CWF19L2: variants seen among roughly 807,000 people sequenced by gnomAD.
CWF19L2 encodes the protein CWF19 like cell cycle control factor 2.
Under a neutral mutation model 111.7 loss-of-function variants are expected in CWF19L2, and 98 were observed. The observed-to-expected ratio is 0.88, with a 90% CI of 0.75 to 1.04. CWF19L2 has a LOEUF of 1.04. CWF19L2 is among the 50% of genes least tolerant of loss of function. The probability of loss-of-function intolerance (pLI) is 0.00; values close to 1 mark genes in which losing one functional copy is unlikely to be tolerated. For missense variants in CWF19L2, 1,101 were observed against 1,051.4 expected (o/e 1.05, Z -0.65); for synonymous variants, 351 against 342.9 (o/e 1.02, Z -0.26).
At chr11:107,384,079 A>T (rs1338271898) in intron 12 of CWF19L2, among the ~76,000 whole-genome samples, 1 of 152,232 alleles carries the variant, frequency 6.6e-6, no homozygotes, top group Non-Finnish European at 1.5e-5. Flanking sequence ...AACACCTCAT[A>T]CACTGAATGA....
intron 13 of CWF19L2, among the ~76,000 whole-genome samples, chr11:107,351,029 A>G (rs1248265148): frequency 2.0e-5 from 3 of 152,212 alleles, no homozygotes; most frequent in Non-Finnish European, 4.4e-5. Flanking sequence ...ATAGGCGACA[A>G]TAAGGATTCC....
chr11:107,422,185 A>G (rs1443320993), intron 8 of CWF19L2, among the ~76,000 whole-genome samples: 1 of 152,056 alleles, frequency 6.6e-6, no homozygotes, highest in South Asian at 2.1e-4. Context: ...TGAACAACAC[A>G]GGGGTGAACT....
In CWF19L2 at chr11:107,336,666, G is replaced by A; in HGVS notation, c.2250C>T (p.Asp750=). The change falls in exon 15 of 18, where the codon GAC becomes GAT. Residue 750 remains aspartate (D), a synonymous_variant. Coordinates refer to ENST00000282251, the MANE Select transcript of CWF19L2 (RefSeq NM_152434.3). ...LVKMFEDKGL[D]CIFLETNMSM... ...TCATATTAGTTTCCAAAAAAATGCA[G>A]TCTAATCCTTTATCTTCAAACATCT... 1 of 1,566,450 alleles carries A rather than the reference G, an allele frequency of 6.4e-7. No homozygotes were observed. The highest frequency in any genetic ancestry group is 8.7e-7 in the Non-Finnish European group (1 of 1,148,942).
chr11:107,375,104 C>T (rs1413842793), intron 12 of CWF19L2, among the ~76,000 whole-genome samples: 4 of 139,546 alleles, frequency 2.9e-5, no homozygotes, highest in African/African-American at 1.1e-4. Flanking sequence ...AATACAGGAG[C>T]ACCCAGATTC....
At chr11:107,410,263 T>C (rs1309887258) in intron 10 of CWF19L2, among the ~76,000 whole-genome samples, 1 of 152,016 alleles carries the variant, frequency 6.6e-6, no homozygotes, top group Non-Finnish European at 1.5e-5. Context: ...TAAACAACTT[T>C]GTATTCCACT....
chr11:107,379,833 G>C (rs1258442292), intron 12 of CWF19L2, among the ~76,000 whole-genome samples: 4 of 151,968 alleles, frequency 2.6e-5, no homozygotes, highest in African/African-American at 9.7e-5. Context: ...GCCGAGGCAG[G>C]TGGATCACGA....
rs566472129 is a variant in CWF19L2, at chr11:107,379,091, A to G, written c.1872+10983T>C. 7.2e-5 allele frequency among the ~76,000 whole-genome samples: 11 copies of G among 152,344 alleles called. No homozygotes were observed. In the South Asian group the frequency reaches 1.4e-3, roughly 20 times the overall value. On this transcript the variant is annotated intron_variant, in intron 12 of 17. Transcript: ENST00000282251. ...TACGTGATCCTGGGCAAGCTACTGA[A>G]TATCTCTGAGCAACAGTTTTTATTA...
At chr11:107,355,537 T>C (rs1471553113) in intron 12 of CWF19L2, among the ~76,000 whole-genome samples, 1 of 152,032 alleles carries the variant, frequency 6.6e-6, no homozygotes, top group Non-Finnish European at 1.5e-5. Flanking sequence ...GATTTGAAGA[T>C]GGAGCAGTTC....
At chr11:107,374,227 C>A (rs1860560715) in intron 12 of CWF19L2, among the ~76,000 whole-genome samples, 1 of 125,342 alleles carries the variant, frequency 8.0e-6, no homozygotes, top group African/African-American at 3.6e-5. Context: ...CTTCCCCAAA[C>A]TAGCAAGGCA....
intron 12 of CWF19L2, among the ~76,000 whole-genome samples, chr11:107,385,755 C>G (rs903863016): frequency 6.6e-6 from 1 of 152,220 alleles, no homozygotes; most frequent in African/African-American, 2.4e-5. Context: ...CTGTTCTACT[C>G]CATCCCCCCC....
At position 107,454,535 on chromosome 11, in the gene CWF19L2, T is replaced by C; in HGVS notation, c.254A>G (p.His85Arg). Residue 85 changes from histidine to arginine, a missense_variant, in exon 3 of 18, where the codon CAT becomes CGT. Coordinates refer to ENST00000282251, the MANE Select transcript of CWF19L2 (RefSeq NM_152434.3). The part of the protein sequence containing the change: ...SVKKKKKKDK[H>R]SKKAKKEKKK... ...CTTTTCTTTCTTTGCTTTTTTTGAA[T>C]GCTTGTCTTTTTTCTTCTTTTTCTT... 2 of 1,469,634 alleles carry C rather than the reference T, an allele frequency of 1.4e-6. No individual in the cohort carries two copies. Among genetic ancestry groups the C allele is most frequent in the African/African-American group, 1.4e-5 (1 of 69,268 alleles). 91.0% of individuals were successfully genotyped at this position (1,469,634 alleles called of 1,614,324 possible).
intron 12 of CWF19L2, among the ~76,000 whole-genome samples, chr11:107,361,874 G>A (rs1435765013): frequency 2.0e-5 from 3 of 152,182 alleles, no homozygotes; most frequent in Non-Finnish European, 4.4e-5. Flanking sequence ...CGTGAGAGAC[G>A]CAGAAGACGG....
At chr11:107,347,731 A>C (rs1860100047) in intron 14 of CWF19L2, among the ~76,000 whole-genome samples, 1 of 152,186 alleles carries the variant, frequency 6.6e-6, no homozygotes, top group Admixed American at 6.5e-5. Flanking sequence ...CAGCACCTAA[A>C]ATATTATATT....
intron 10 of CWF19L2, among the ~76,000 whole-genome samples, chr11:107,407,399 C>T (rs1861094497): frequency 7.4e-6 from 1 of 135,598 alleles, no homozygotes; most frequent in African/African-American, 2.6e-5. Flanking sequence ...CTTCCCCCTA[C>T]CAAAAAAAAA....
At chr11:107,414,168 A>ATTTTGTT (rs1861194381) in intron 10 of CWF19L2, among the ~76,000 whole-genome samples, 1 of 151,816 alleles carries the variant, frequency 6.6e-6, no homozygotes, top group Admixed American at 6.6e-5. Context: ...AAAGGGGAGG[A>ATTTTGTT]TTTTGTTTTT....
intron 3 of CWF19L2, among the ~76,000 whole-genome samples, chr11:107,453,453 C>G (rs78880470): frequency 6.6e-6 from 1 of 151,994 alleles, no homozygotes; most frequent in Non-Finnish European, 1.5e-5. Flanking sequence ...AAATACAGGA[C>G]TCCATCTTGC....
rs1861044847 is a variant in CWF19L2, at chr11:107,404,065, C to G, written c.1618-11170G>C. On this transcript the variant is annotated intron_variant, in intron 10 of 17. Transcript: ENST00000282251. ...CCATCATCATAATCATCTGGATCTT[C>G]AGCAGAGCTGAATGCTCATATATGG... is the stretch of plus-strand genomic sequence containing the variant. The G allele has an allele frequency of 3.9e-6, 3 of 770,264 alleles. No individual in the cohort carries two copies. In the African/African-American group the frequency reaches 5.1e-5, roughly 13 times the overall value. 47.7% of individuals were successfully genotyped at this position (770,264 alleles called of 1,614,324 possible). A position where few individuals can be genotyped will look rare whatever the true frequency, so the allele number is the denominator to read the frequency against.
At chr11:107,442,148 T>C (rs999081096) in intron 4 of CWF19L2, among the ~76,000 whole-genome samples, 1 of 152,078 alleles carries the variant, frequency 6.6e-6, no homozygotes, top group African/African-American at 2.4e-5. Context: ...AAGGGGAAAG[T>C]GCCACTTCTT....
intron 14 of CWF19L2, among the ~76,000 whole-genome samples, chr11:107,341,590 C>T (rs116220468): frequency 5.5e-4 from 84 of 152,168 alleles, no homozygotes; most frequent in African/African-American, 1.8e-3. Context: ...CACTAACTTA[C>T]GGTATCAGGA....
Sources: allele counts gnomAD v4.1 joint callset (sites outside exome capture counted in the v4.1 genomes callset), GRCh38; gene constraint gnomAD v4.1.1; transcripts MANE v1.5; gene names NCBI Gene and HGNC (gene_info 2026-07-23, HGNC 2026-07-21).